Variants in ZNF778 observed in about 807,000 individuals in gnomAD.
The protein encoded by ZNF778 is zinc finger protein 778.
A neutral mutation model predicts 23.9 loss-of-function variants in ZNF778; 37 were observed. The observed-to-expected ratio is 1.54, with a 90% confidence interval of 1.19 to 2.03. ZNF778 has a LOEUF of 2.03. Ranked by LOEUF, ZNF778 falls within the 30% of genes most tolerant of loss-of-function variation. The pLI is 0.00. For missense variants in ZNF778, 1,297 were observed against 934.4 expected, an observed-to-expected ratio of 1.39 and a Z score of -5.06; for synonymous variants, 483 against 343.9, an observed-to-expected ratio of 1.40 and a Z score of -4.48.
At position 89,232,800 on chromosome 16, in the gene ZNF778, C is replaced by G. The variant is rs2031994973; in HGVS notation, c.*4238C>G. ...AACTCACTGCATATGCACATCAACT[C>G]ACTGCATATGCAACTCAACTCACAC... On this transcript the variant is annotated 3_prime_UTR_variant, in exon 7 of 7. Transcript: ENST00000433976. The G allele has an allele frequency of 1.6e-6, 2 of 1,289,226 alleles. No homozygotes were observed. The highest frequency in any genetic ancestry group is 2.0e-6 in the Non-Finnish European group (2 of 988,726). 79.9% of individuals were successfully genotyped at this position (1,289,226 alleles called of 1,614,324 possible). A position where few individuals can be genotyped will look rare whatever the true frequency, so the allele number is the denominator to read the frequency against.
rs765160627 is a variant in ZNF778, at chr16:89,223,201, G to A, written c.162G>A (p.Glu54=). The change falls in exon 4 of 7, where the codon GAG becomes GAA. Residue 54 remains glutamate (E), a synonymous_variant. Coordinates refer to ENST00000433976, the MANE Select transcript of ZNF778 (RefSeq NM_001201407.2). The part of the protein sequence containing the change: ...FDDVAVDFTQ[E]EWTLLDPSQR... ...ACGTGGCTGTGGACTTCACCCAGGA[G>A]GAATGGACTTTACTGGACCCATCTC... 2.5e-6 allele frequency: 4 copies of A among 1,613,990 alleles called. No homozygotes were observed. In the African/African-American group the frequency reaches 5.3e-5, roughly 22 times the overall value.
At chr16:89,225,466 T>G in intron 5 of ZNF778, 89 bp from the exon 6 acceptor site, 1 of 1,105,626 alleles carries the variant, frequency 9.0e-7, no homozygotes, top group Non-Finnish European at 1.3e-6. Flanking sequence ...TAAATCTATC[T>G]TTGCTTTGTT....
chr16:89,224,574 G>A lies in ZNF778; in HGVS notation c.245-145G>A, dbSNP rs891033694. On this transcript the variant is annotated intron_variant, in intron 4 of 6. Transcript: ENST00000433976. ...GCAGACGTTGCAGTGAGCCGAGATTGCACCACTGCACTCCAGCCTGGGCAA... is the reference window on the plus strand; with the variant it reads ...GCAGACGTTGCAGTGAGCCGAGATTACACCACTGCACTCCAGCCTGGGCAA... The A allele has an allele frequency of 8.8e-6, 5 of 570,262 alleles. No homozygotes were observed. In the East Asian group the frequency reaches 1.6e-4, roughly 18 times the overall value. 35.3% of individuals were successfully genotyped at this position (570,262 alleles called of 1,614,324 possible). A position where few individuals can be genotyped will look rare whatever the true frequency, so the allele number is the denominator to read the frequency against.
At position 89,234,340 on chromosome 16, in the gene ZNF778, C is replaced by T. The variant is rs1235817277; in HGVS notation, c.*5778C>T. The T allele has an allele frequency of 6.2e-6, 2 of 321,272 alleles. No individual in the cohort carries two copies. The allele number at this position is 321,272 out of a possible 1,614,324, so 19.9% of individuals were successfully genotyped here. On this transcript the variant is annotated 3_prime_UTR_variant, in exon 7 of 7. Transcript: ENST00000433976. Reference sequence around the variant, plus strand: ...TTATTCTTTCTCTCTACTCGTTCAACCTTCTTAGGGAGTGACGTTTTTTCC... The same window carrying T: ...TTATTCTTTCTCTCTACTCGTTCAATCTTCTTAGGGAGTGACGTTTTTTCC...
At chr16:89,221,196 C>G (rs750137583) in intron 2 of ZNF778, 44 bp downstream of exon 2, 1 of 1,448,160 alleles carries the variant, frequency 6.9e-7, no homozygotes, top group South Asian at 1.2e-5. Context: ...TGCTCTAGGT[C>G]CTGATACACA....
intron 5 of ZNF778, 52 bp from the exon 6 acceptor site, chr16:89,225,503 A>G (rs768698100): frequency 9.0e-6 from 13 of 1,448,566 alleles, no homozygotes; most frequent in Admixed American, 2.0e-5. Context: ...CTTATATGAA[A>G]ACAAATACCA....
At chr16:89,221,426 T>C (rs577248559) in intron 2 of ZNF778, among the ~76,000 whole-genome samples, 1 of 152,306 alleles carries the variant, frequency 6.6e-6, no homozygotes, top group African/African-American at 2.4e-5. Flanking sequence ...AATAGGAGCC[T>C]GTTACCATTT....
rs369451068 is a variant in ZNF778 at position 89,227,968 on chromosome 16, C to T, written c.1680C>T (p.Pro560=). ...TGAAAACTCACACAGAGGAGAAGCCCTTTATATGTACGGTATGCAGGAAAT... is the reference window on the plus strand; with the variant it reads ...TGAAAACTCACACAGAGGAGAAGCCTTTTATATGTACGGTATGCAGGAAAT... ...EHVKTHTEEK[P]FICTVCRKSF... is the part of the protein sequence containing the mutation. Residue 560 remains proline (P), a synonymous_variant, in exon 7 of 7, where the codon CCC becomes CCT. Coordinates refer to ENST00000433976, the MANE Select transcript of ZNF778 (RefSeq NM_001201407.2). 3.8e-6 allele frequency: 6 copies of T among 1,589,862 alleles called. No homozygotes were observed. Among genetic ancestry groups the T allele is most frequent in the Non-Finnish European group, 5.1e-6 (6 of 1,165,140 alleles).
intron 1 of ZNF778, among the ~76,000 whole-genome samples, chr16:89,220,343 C>T (rs971359207): frequency 5.9e-5 from 9 of 152,088 alleles, no homozygotes; most frequent in South Asian, 2.1e-4. Flanking sequence ...GGGGAGTGAC[C>T]GCAGACTCAG....
Position 89,235,008 on chromosome 16 carries a change from C to G in ZNF778, c.*6446C>G, listed in dbSNP as rs1452261440. The G allele has an allele frequency of 6.6e-6, 1 of 152,158 alleles. No homozygotes were observed. Among genetic ancestry groups the G allele is most frequent in the Admixed American group, 6.5e-5 (1 of 15,282 alleles). 9.4% of individuals were successfully genotyped at this position (152,158 alleles called of 1,614,324 possible). A position where few individuals can be genotyped will look rare whatever the true frequency, so the allele number is the denominator to read the frequency against. On this transcript the variant is annotated 3_prime_UTR_variant, in exon 7 of 7. Coordinates refer to ENST00000433976, the MANE Select transcript of ZNF778 (RefSeq NM_001201407.2). ...TCAGAAATTTCTTTTCTCCTAAGGC[C>G]TTAAATATGCTGTACTATTTTGGCT...
chr16:89,233,611 G>A lies in ZNF778; in HGVS notation c.*5049G>A, dbSNP rs1185951158. On this transcript the variant is annotated 3_prime_UTR_variant, in exon 7 of 7. Transcript: ENST00000433976. ...ACGCAACTCAACTCATACTGCATAT[G>A]CAACTCAACTCACACTGTATGCAAC... The A allele has an allele frequency of 8.9e-6, 10 of 1,125,578 alleles. No individual in the cohort carries two copies. The highest frequency in any genetic ancestry group is 1.7e-5 in the African/African-American group (1 of 59,178). 69.7% of individuals were successfully genotyped at this position (1,125,578 alleles called of 1,614,324 possible). A position where few individuals can be genotyped will look rare whatever the true frequency, so the allele number is the denominator to read the frequency against.
At chr16:89,222,679 A>G (rs553893720) in intron 3 of ZNF778, among the ~76,000 whole-genome samples, 24 of 152,170 alleles carry the variant, frequency 1.6e-4, no homozygotes, top group African/African-American at 5.5e-4. Context: ...ATTACTCATT[A>G]TTTTCACCCT....
Position 89,230,111 on chromosome 16 carries a change from C to T in ZNF778, c.*1549C>T, listed in dbSNP as rs1345905665. The stretch of plus-strand genomic sequence containing the variant: ...TAGGCATGACCCACCTGTAGGGTCC[C>T]ACACTGGCCAATGTTGGGGCATAAC... On this transcript the variant is annotated 3_prime_UTR_variant, in exon 7 of 7. Coordinates refer to ENST00000433976, the MANE Select transcript of ZNF778 (RefSeq NM_001201407.2). The T allele has an allele frequency of 1.2e-6, 1 of 827,894 alleles. No homozygotes were observed. Among genetic ancestry groups the T allele is most frequent in the African/African-American group, 1.9e-5 (1 of 53,866 alleles). The allele number at this position is 827,894 out of a possible 1,614,324, so 51.3% of individuals were successfully genotyped here.
rs183624830 is a variant in ZNF778, at chr16:89,225,442, A to G, written c.329-113A>G. The G allele has an allele frequency of 4.8e-5, 39 of 815,234 alleles. No individual in the cohort carries two copies. The African/African-American group carries it at 5.2e-4, about 11-fold the overall frequency. 50.5% of individuals were successfully genotyped at this position (815,234 alleles called of 1,614,324 possible). On this transcript the variant is annotated intron_variant, in intron 5 of 6. Transcript: ENST00000433976. Reference sequence around the variant, plus strand: ...GTTCCTATGATTCCAAATTTTACACATAGCCAAACTCCTTAAATCTATCTT... The same window carrying G: ...GTTCCTATGATTCCAAATTTTACACGTAGCCAAACTCCTTAAATCTATCTT...
In ZNF778 at chr16:89,228,498, C is replaced by G. The variant is rs371536761; in HGVS notation, c.2210C>G (p.Ser737Cys). The G allele has an allele frequency of 3.9e-5, 63 of 1,608,684 alleles. No homozygotes were observed. Among genetic ancestry groups the G allele is most frequent in the Non-Finnish European group, 5.3e-5 (62 of 1,178,438 alleles). The stretch of plus-strand genomic sequence containing the variant: ...TTTGTATGTAAGGACTGTGGAAAAT[C>G]TTTTAAGAATTCCTCATGCCTTAAC... ...QVFVCKDCGKSFKNSSCLNHH... is the reference protein window; with the variant it reads ...QVFVCKDCGKCFKNSSCLNHH... The change falls in exon 7 of 7, where the codon TCT (serine) becomes TGT (cysteine). Residue 737 changes from serine (S) to cysteine (C), a missense_variant. Transcript: ENST00000433976.
chr16:89,222,661 G>A (rs1030876219), intron 3 of ZNF778, among the ~76,000 whole-genome samples: 1 of 152,220 alleles, frequency 6.6e-6, no homozygotes, highest in Non-Finnish European at 1.5e-5. Flanking sequence ...ACTGCGCCCA[G>A]CCACAACATT....
rs1038032930 is a variant in ZNF778 at position 89,227,869 on chromosome 16, C to T, written c.1581C>T (p.His527=). ...GCCTCACTAAACACATGCGGACACACACCGGGGAGAAGCCCTATGAATGTA... is the reference window on the plus strand; with the variant it reads ...GCCTCACTAAACACATGCGGACACATACCGGGGAGAAGCCCTATGAATGTA... ...RSGLTKHMRT[H]TGEKPYECKD... Residue 527 remains histidine (H), a synonymous_variant, in exon 7 of 7, where the codon CAC becomes CAT. Coordinates refer to ENST00000433976, the MANE Select transcript of ZNF778 (RefSeq NM_001201407.2). 1 of 1,614,130 alleles carries T rather than the reference C, an allele frequency of 6.2e-7. No homozygotes were observed. Among genetic ancestry groups the T allele is most frequent in the Non-Finnish European group, 8.5e-7 (1 of 1,180,016 alleles).
intron 1 of ZNF778, among the ~76,000 whole-genome samples, chr16:89,219,783 C>T (rs1032105214): frequency 5.3e-5 from 8 of 152,240 alleles, no homozygotes; most frequent in African/African-American, 9.6e-5. Context: ...CTGTGTAGAG[C>T]GTTAACGCTG....
In ZNF778 at chr16:89,228,336, G is replaced by A. The variant is rs761449311; in HGVS notation, c.2048G>A (p.Arg683His). 2.7e-5 allele frequency: 44 copies of A among 1,613,518 alleles called. No homozygotes were observed. The highest frequency in any genetic ancestry group is 9.9e-5 in the South Asian group (9 of 91,054). ...YICNECGKAF[R>H]ASSHLHKHGR... ...TGTAACGAGTGTGGGAAAGCCTTCC[G>A]TGCCTCCTCTCACCTGCATAAACAT... The change falls in exon 7 of 7, where the codon CGT becomes CAT. Residue 683 changes from arginine to histidine, a missense_variant. Transcript: ENST00000433976.
Sources: allele counts gnomAD v4.1 joint callset (sites outside exome capture counted in the v4.1 genomes callset), GRCh38; gene constraint gnomAD v4.1.1; transcripts MANE v1.5; gene names NCBI Gene and HGNC (gene_info 2026-07-23, HGNC 2026-07-21).